Variants in AGL observed in about 807,000 individuals in gnomAD.
AGL encodes glycogen debranching enzyme.
A neutral mutation model predicts 199.3 loss-of-function variants in AGL; 128 were observed. That is an observed-to-expected ratio of 0.64 (90% confidence interval 0.56 to 0.74). AGL has a LOEUF of 0.74. Among genes scored for constraint, AGL ranks in the 30% least tolerant of loss-of-function variants. AGL has a pLI of 0.00. For missense variants in AGL, 1,809 were observed against 1,820.8 expected (o/e 0.99, Z 0.12); for synonymous variants, 584 against 594.7 (o/e 0.98, Z 0.26).
chr1:99,884,651 G>C lies in AGL; in HGVS notation c.2629G>C (p.Gly877Arg), dbSNP rs756676389. The stretch of plus-strand genomic sequence containing the variant: ...ACAATTCAGTCCTCACTTTAAATCT[G>C]GCAGCCTAGCTGTTGACAATGCAGA... ...LTQFSPHFKS[G>R]SLAVDNADPI... is the part of the protein sequence containing the mutation. Residue 877 changes from glycine to arginine, a missense_variant, in exon 20 of 34, where the codon GGC (glycine) becomes CGC (arginine). By Grantham distance (125) the Gly-to-Arg change is moderately radical (BLOSUM62 -2). Transcript: ENST00000361915. The C allele has an allele frequency of 6.2e-7, 1 of 1,613,930 alleles. No homozygotes were observed. Among genetic ancestry groups the C allele is most frequent in the Admixed American group, 1.7e-5 (1 of 59,972 alleles).
intron 2 of AGL, among the ~76,000 whole-genome samples, chr1:99,852,043 TC>T (rs1648995265): frequency 6.6e-6 from 1 of 152,094 alleles, no homozygotes; most frequent in African/African-American, 2.4e-5. Flanking sequence ...TTTTTCCCCC[TC>T]CCCTGTTGCA....
chr1:99,855,187 C>T lies in AGL; in HGVS notation c.82+4063C>T, dbSNP rs569045016. On this transcript the variant is annotated intron_variant, in intron 2 of 33. Transcript: ENST00000361915. ...ATGCACTCCAGCCCGGGCAACAGAG[C>T]GAGACTCCGACTCAAAAAAAAAGAA... Among the ~76,000 whole-genome samples, 52 of 151,076 alleles carry T rather than the reference C, an allele frequency of 3.4e-4. 1 individual carries two copies. The highest frequency in any genetic ancestry group is 1.1e-3 in the Admixed American group (16 of 15,208).
At position 99,862,391 on chromosome 1, in the gene AGL, G is replaced by T. The variant is rs777181858; in HGVS notation, c.428G>T (p.Trp143Leu). The change falls in exon 4 of 34, where the codon TGG becomes TTG. Residue 143 changes from tryptophan to leucine, a missense_variant. By Grantham distance (61) the Trp-to-Leu change is moderately conservative. Coordinates refer to ENST00000361915, the MANE Select transcript of AGL (RefSeq NM_000642.3). ...LAKCLGPFDE[W>L]ESRLRVAKES... Reference sequence around the variant, plus strand: ...AAGTGTTTGGGACCTTTTGATGAATGGGAAAGCAGACTTAGGGTTGCAAAA... The same window carrying T: ...AAGTGTTTGGGACCTTTTGATGAATTGGAAAGCAGACTTAGGGTTGCAAAA... The T allele has an allele frequency of 6.2e-7, 1 of 1,614,044 alleles. No individual in the cohort carries two copies. Among genetic ancestry groups the T allele is most frequent in the South Asian group, 1.1e-5 (1 of 91,060 alleles).
chr1:99,891,322 A>G lies in AGL; in HGVS notation c.2915A>G (p.Asn972Ser). The G allele has an allele frequency of 6.2e-7, 1 of 1,613,782 alleles. No individual in the cohort carries two copies. The highest frequency in any genetic ancestry group is 8.5e-7 in the Non-Finnish European group (1 of 1,179,746). Residue 972 changes from asparagine (N) to serine (S), a missense_variant, in exon 22 of 34, where the codon AAC becomes AGC. By Grantham distance (46) the Asn-to-Ser change is conservative. Transcript: ENST00000361915. Reference sequence around the variant, plus strand: ...GATTGGATGATTGACTATGTCAGTAACCGGCTTATTTCACGATCAGGAACT... The same window carrying G: ...GATTGGATGATTGACTATGTCAGTAGCCGGCTTATTTCACGATCAGGAACT... ...SGDWMIDYVS[N>S]RLISRSGTIA...
At position 99,913,550 on chromosome 1, in the gene AGL, G is replaced by C; in HGVS notation, c.3973G>C (p.Asp1325His). Residue 1325 changes from aspartate to histidine, a missense_variant, in exon 30 of 34, where the codon GAT (aspartate) becomes CAT (histidine). By Grantham distance (81) the Asp-to-His change is moderately conservative. Coordinates refer to ENST00000361915, the MANE Select transcript of AGL (RefSeq NM_000642.3). The stretch of plus-strand genomic sequence containing the variant: ...AGGAAAGGCTATAAAGGTCTCATAT[G>C]ATGAGTGGAACAGAAAAATACAAGA... Reference protein sequence around the residue: ...RHGKAIKVSYDEWNRKIQDNF... With the variant: ...RHGKAIKVSYHEWNRKIQDNF... 1 of 1,613,776 alleles carries C rather than the reference G, an allele frequency of 6.2e-7. No individual in the cohort carries two copies. Among genetic ancestry groups the C allele is most frequent in the Non-Finnish European group, 8.5e-7 (1 of 1,179,826 alleles).
At chr1:99,919,763 AC>A (rs1655388491) in intron 33 of AGL, among the ~76,000 whole-genome samples, 1 of 152,062 alleles carries the variant, frequency 6.6e-6, no homozygotes, top group African/African-American at 2.4e-5. Context: ...TTGGGCCATC[AC>A]CACCACATAG....
intron 33 of AGL, among the ~76,000 whole-genome samples, chr1:99,917,173 C>T (rs748431187): frequency 9.9e-5 from 15 of 152,102 alleles, no homozygotes; most frequent in Non-Finnish European, 2.2e-4. Flanking sequence ...TTTTCACTTC[C>T]TTGTCCTAAT....
chr1:99,870,290 A>T, intron 5 of AGL, 110 bp from the exon 6 acceptor site: 1 of 1,175,800 alleles, frequency 8.5e-7, no homozygotes. Context: ...TGTCCAATAT[A>T]GAAAAAAATG....
intron 23 of AGL, 141 bp from the exon 24 acceptor site, chr1:99,892,291 C>A: frequency 2.5e-6 from 2 of 802,162 alleles, no homozygotes; most frequent in South Asian, 1.8e-5. Flanking sequence ...GAAATCTAAC[C>A]AAAGTTTTAA....
At chr1:99,903,103 C>A (rs1191242448) in intron 27 of AGL, among the ~76,000 whole-genome samples, 5 of 152,108 alleles carry the variant, frequency 3.3e-5, no homozygotes, top group Non-Finnish European at 7.4e-5. Context: ...ATTTAACACT[C>A]CCCAAAACAT....
chr1:99,902,937 T>C, intron 27 of AGL, 143 bp downstream of exon 27: 2 of 654,542 alleles, frequency 3.1e-6, no homozygotes, highest in Non-Finnish European at 5.3e-6. Context: ...TCTCACCAAG[T>C]TTTTAGTTTC....
intron 14 of AGL, 127 bp downstream of exon 14, chr1:99,880,922 T>G (rs1274356844): frequency 7.7e-7 from 1 of 1,292,476 alleles, no homozygotes; most frequent in African/African-American, 1.5e-5. Flanking sequence ...TGATTTATAA[T>G]ACATAGTTTT....
chr1:99,917,975 C>T (rs1475376088), intron 33 of AGL, among the ~76,000 whole-genome samples: 1 of 152,060 alleles, frequency 6.6e-6, no homozygotes, highest in African/African-American at 2.4e-5. Context: ...TTATAGTTGC[C>T]ATTTTCAGTG....
intron 30 of AGL, among the ~76,000 whole-genome samples, chr1:99,914,334 G>A (rs1487618699): frequency 6.6e-6 from 1 of 152,208 alleles, no homozygotes; most frequent in Non-Finnish European, 1.5e-5. Flanking sequence ...AAAGTGGATA[G>A]CTTTAGTTAA....
At chr1:99,875,883 T>C (rs542655683) in intron 10 of AGL, among the ~76,000 whole-genome samples, 5 of 152,304 alleles carry the variant, frequency 3.3e-5, no homozygotes, top group African/African-American at 9.6e-5. Context: ...TGTATTTATT[T>C]TTTTTCTTTG....
chr1:99,908,310 CA>C (rs1203258071), intron 27 of AGL, among the ~76,000 whole-genome samples: 1 of 151,368 alleles, frequency 6.6e-6, no homozygotes, highest in Non-Finnish European at 1.5e-5. Flanking sequence ...GCACCCTTGT[CA>C]AAAAAAATTT....
chr1:99,912,137 A>G (rs1339489533), intron 28 of AGL, among the ~76,000 whole-genome samples: 1 of 151,984 alleles, frequency 6.6e-6, no homozygotes, highest in Non-Finnish European at 1.5e-5. Flanking sequence ...CCTTACTCCT[A>G]CCTTTTCCAA....
rs764106633 is a variant in AGL, at chr1:99,879,926, A to G, written c.1615A>G (p.Met539Val). ...TTTGTCACTGTGCTTTTTACAGTAC[A>G]TGTTGGATGCTGCTAGGAATTTGCA... The part of the protein sequence containing the change: ...HSTPLHVAEY[M>V]LDAARNLQPN... Residue 539 changes from methionine to valine, a missense_variant, in exon 13 of 34, where the codon ATG becomes GTG. By Grantham distance (21) the Met-to-Val change is conservative. Transcript: ENST00000361915. The G allele has an allele frequency of 1.2e-6, 2 of 1,611,580 alleles. No homozygotes were observed. The highest frequency in any genetic ancestry group is 2.2e-5 in the East Asian group (1 of 44,754).
chr1:99,884,509 C>T, intron 19 of AGL, 58 bp downstream of exon 19: 2 of 1,600,130 alleles, frequency 1.2e-6, no homozygotes, highest in Admixed American at 1.7e-5. Context: ...GTTTGCATAT[C>T]CTGTTAAATT....
Sources: allele counts gnomAD v4.1 joint callset (sites outside exome capture counted in the v4.1 genomes callset), GRCh38; gene constraint gnomAD v4.1.1; transcripts MANE v1.5; gene names NCBI Gene and HGNC (gene_info 2026-07-23, HGNC 2026-07-21).